CNIH3: variants seen among roughly 807,000 people sequenced by gnomAD.
The protein encoded by CNIH3 is protein cornichon homolog 3.
A neutral mutation model predicts 24.1 loss-of-function variants in CNIH3; 14 were observed. The ratio of observed to expected loss-of-function variants is 0.58; its 90% confidence interval spans 0.38 to 0.91. The LOEUF (loss-of-function observed/expected upper bound fraction) is 0.91. CNIH3 is among the 40% of genes least tolerant of loss of function. The pLI is 0.00. For missense variants in CNIH3, 178 were observed against 196.8 expected (o/e 0.90, Z 0.57); for synonymous variants, 68 against 73.8 (o/e 0.92, Z 0.40).
At chr1:224,555,055 A>G (rs1368051556) in intron 3 of CNIH3, among the ~76,000 whole-genome samples, 3 of 152,040 alleles carry the variant, frequency 2.0e-5, no homozygotes, top group African/African-American at 7.2e-5. Flanking sequence ...GTAGTAGGGG[A>G]GGTGGTAGTG....
intron 1 of CNIH3, among the ~76,000 whole-genome samples, chr1:224,438,492 C>T (rs1334606160): frequency 3.9e-5 from 6 of 152,214 alleles, no homozygotes; most frequent in African/African-American, 1.4e-4. Flanking sequence ...TGTAGTTGTT[C>T]TGTCCAGATA....
At chr1:224,644,682 T>G (rs1163465506) in intron 1 of CNIH3, among the ~76,000 whole-genome samples, 11 of 152,218 alleles carry the variant, frequency 7.2e-5, no homozygotes, top group African/African-American at 2.4e-4. Flanking sequence ...GATACCTGAC[T>G]GCTGTATGCC....
At chr1:224,446,212 G>GTTTTTTTTTTTTTTTTTTTTTTTTTT (rs35812016) in intron 1 of CNIH3, among the ~76,000 whole-genome samples, 1 of 108,874 alleles carries the variant, frequency 9.2e-6, no homozygotes. Flanking sequence ...TTTCAACTTT[G>GTTTTTTTTTTTTTTTTTTTTTTTTTT]TTTTTTTTTT....
intron 3 of CNIH3, among the ~76,000 whole-genome samples, chr1:224,602,376 G>A (rs1225314321): frequency 6.6e-6 from 1 of 152,122 alleles, no homozygotes; most frequent in Non-Finnish European, 1.5e-5. Context: ...ATTTTAAATT[G>A]TTTTATCAAT....
At chr1:224,713,409 C>T (rs1198904039) in intron 3 of CNIH3, among the ~76,000 whole-genome samples, 1 of 152,130 alleles carries the variant, frequency 6.6e-6, no homozygotes, top group Non-Finnish European at 1.5e-5. Flanking sequence ...TGTGCAGGTT[C>T]AGGGGTTTAT....
intron 1 of CNIH3, among the ~76,000 whole-genome samples, chr1:224,672,029 C>T (rs1174837904): frequency 1.3e-5 from 2 of 152,154 alleles, no homozygotes; most frequent in East Asian, 3.8e-4. Flanking sequence ...AATAAAATCA[C>T]TCATCTCTCA....
chr1:224,635,686 A>G (rs756100281), intron 1 of CNIH3, among the ~76,000 whole-genome samples: 31 of 152,316 alleles, frequency 2.0e-4, no homozygotes, highest in Admixed American at 5.2e-4. Context: ...CTTAGTCCAT[A>G]TATTTCTTCA....
chr1:224,585,652 C>T (rs901680025), intron 5 of CNIH3, among the ~76,000 whole-genome samples: 1 of 145,604 alleles, frequency 6.9e-6, no homozygotes, highest in Non-Finnish European at 1.5e-5. Context: ...AATTTAAAAA[C>T]TTTTTTTTTT....
chr1:224,495,340 A>C (rs963209979), intron 1 of CNIH3, among the ~76,000 whole-genome samples: 1 of 152,190 alleles, frequency 6.6e-6, no homozygotes, highest in Non-Finnish European at 1.5e-5. Flanking sequence ...TGTCAATCCA[A>C]TATGATTTTT....
chr1:224,677,855 G>A (rs975104345), intron 1 of CNIH3, among the ~76,000 whole-genome samples: 2 of 152,200 alleles, frequency 1.3e-5, no homozygotes, highest in African/African-American at 4.8e-5. Flanking sequence ...CTTTGTGGGG[G>A]GCCTATATGT....
intron 1 of CNIH3, among the ~76,000 whole-genome samples, chr1:224,456,472 GCA>G (rs1166846976): frequency 6.6e-6 from 1 of 152,142 alleles, no homozygotes; most frequent in Non-Finnish European, 1.5e-5. Context: ...GTGCGGTGGT[GCA>G]GTCACGGCTC....
At chr1:224,600,173 C>G (rs151333460) in intron 3 of CNIH3, among the ~76,000 whole-genome samples, 1 of 150,628 alleles carries the variant, frequency 6.6e-6, no homozygotes, top group African/African-American at 2.4e-5. Context: ...ATTTAGTTCT[C>G]TGTTTTTCTC....
intron 5 of CNIH3, among the ~76,000 whole-genome samples, chr1:224,736,950 C>T (rs1041351728): frequency 3.9e-5 from 6 of 152,162 alleles, no homozygotes; most frequent in African/African-American, 9.7e-5. Flanking sequence ...CTTTGTGGAG[C>T]CACAGACTTC....
intron 1 of CNIH3, among the ~76,000 whole-genome samples, chr1:224,632,387 TG>T (rs766384554): frequency 1.2e-4 from 18 of 152,136 alleles, no homozygotes; most frequent in Middle Eastern, 3.2e-3. Context: ...CCTTTCTCTG[TG>T]GTCATTGGGA....
At chr1:224,560,923 C>T (rs775673431) in intron 3 of CNIH3, among the ~76,000 whole-genome samples, 1 of 151,124 alleles carries the variant, frequency 6.6e-6, no homozygotes, top group Non-Finnish European at 1.5e-5. Context: ...AGATTTTAAC[C>T]ATTCAGGTGT....
chr1:224,576,811 C>T (rs1331273851), intron 4 of CNIH3, among the ~76,000 whole-genome samples: 1 of 152,200 alleles, frequency 6.6e-6, no homozygotes, highest in Non-Finnish European at 1.5e-5. Flanking sequence ...CATTACCTGA[C>T]TTCAAACTAT....
intron 3 of CNIH3, among the ~76,000 whole-genome samples, chr1:224,600,797 C>T (rs145393148): frequency 5.1e-4 from 78 of 152,280 alleles, no homozygotes; most frequent in African/African-American, 1.8e-3. Context: ...AAAGGTTAAA[C>T]GGGGTCATAA....
intron 5 of CNIH3, among the ~76,000 whole-genome samples, chr1:224,737,474 C>T (rs1366806289): frequency 6.6e-6 from 1 of 152,026 alleles, no homozygotes; most frequent in Non-Finnish European, 1.5e-5. Flanking sequence ...GAATCTGGCC[C>T]CTTGGTGCTC....
intron 2 of CNIH3, among the ~76,000 whole-genome samples, chr1:224,522,954 C>T (rs1422729083): frequency 6.6e-6 from 1 of 152,196 alleles, no homozygotes; most frequent in African/African-American, 2.4e-5. Flanking sequence ...AATGTGCTGG[C>T]TTGGTGCCAT....
Sources: allele counts gnomAD v4.1 joint callset (sites outside exome capture counted in the v4.1 genomes callset), GRCh38; gene constraint gnomAD v4.1.1; transcripts MANE v1.5; gene names NCBI Gene and HGNC (gene_info 2026-07-23, HGNC 2026-07-21).